XKR9: variants seen among roughly 807,000 people sequenced by gnomAD.
The protein encoded by XKR9 is XK related 9.
In XKR9, 32 loss-of-function variants were observed where a neutral mutation model predicts 32.0. The observed-to-expected ratio is 1.00, with a 90% CI of 0.76 to 1.34. The LOEUF (loss-of-function observed/expected upper bound fraction) is 1.34, where lower values mean the gene tolerates loss of function less well. XKR9 is among the 40% of genes most tolerant of loss of function. The pLI is 0.00. For missense variants in XKR9, 546 were observed against 429.7 expected, an observed-to-expected ratio of 1.27 and a Z score of -2.39; for synonymous variants, 168 against 143.4, an observed-to-expected ratio of 1.17 and a Z score of -1.22.
the XKR9 span, among the ~76,000 whole-genome samples, chr8:70,884,211 C>T: frequency 1.3e-3 from 194 of 152,020 alleles, no homozygotes; most frequent in Admixed American, 3.8e-3. Context: ...AGATCTTTGC[C>T]TAGTTTTAAA....
intron 3 of XKR9, among the ~76,000 whole-genome samples, chr8:70,703,234 AT>A (rs1422702079): frequency 5.0e-5 from 7 of 140,998 alleles, no homozygotes; most frequent in Non-Finnish European, 9.3e-5. Context: ...TGTTTTGTTC[AT>A]TTTTTTTTCT....
the XKR9 span, among the ~76,000 whole-genome samples, chr8:70,865,303 A>C: frequency 6.6e-6 from 1 of 151,880 alleles, no homozygotes; most frequent in East Asian, 1.9e-4. Flanking sequence ...AGGAAAAGTT[A>C]AATGCTTCCT....
chr8:70,776,947 C>CTCTCTCTCTCTCTATATATATATA lies in XKR9; in HGVS notation n.353-12391_353-12390insCTCTCTCTCTCTATATATATATAT. ...TTTCTCTCTCTCTCTCTCTCTCTCTCTATATATATATATATATGTATGTAT... is the reference window on the plus strand; with the variant it reads ...TTTCTCTCTCTCTCTCTCTCTCTCTCTCTCTCTCTCTCTATATATATATATATATATATATATATATGTATGTAT... On this transcript the variant is annotated intron_variant and non_coding_transcript_variant, in intron 2 of 3. Transcript: ENST00000520273. Among the ~76,000 whole-genome samples the CTCTCTCTCTCTCTATATATATATA allele has an allele frequency of 2.4e-3, 129 of 54,172 alleles. 1 individual carries two copies. Among genetic ancestry groups the CTCTCTCTCTCTCTATATATATATA allele is most frequent in the Admixed American group, 2.7e-3 (11 of 4,048 alleles). The allele number at this position is 54,172 out of a possible 152,430, so 35.5% of individuals were successfully genotyped here.
the XKR9 span, among the ~76,000 whole-genome samples, chr8:71,042,457 G>A: frequency 6.6e-6 from 1 of 152,086 alleles, no homozygotes; most frequent in East Asian, 1.9e-4. Flanking sequence ...TAAGCTCTCT[G>A]TGCCTCAGTT....
Position 70,676,134 on chromosome 8 carries a change from G to A in XKR9, c.-279+1235G>A, listed in dbSNP as rs373791305. ...CAGGAAGCTTACAATCATGGCAGAA[G>A]GTGAAGAGGAAGCACGTGTCTCACG... On this transcript the variant is annotated intron_variant, in intron 2 of 4. Transcript: ENST00000408926. Among the ~76,000 whole-genome samples the A allele has an allele frequency of 1.2e-3, 177 of 152,302 alleles. 4 individuals are homozygous for A. The South Asian group carries it at 0.035, about 30-fold the overall frequency.
At chr8:70,869,480 A>G in the XKR9 span, among the ~76,000 whole-genome samples, 1 of 152,174 alleles carries the variant, frequency 6.6e-6, no homozygotes, top group Non-Finnish European at 1.5e-5. Context: ...AGACTTATTC[A>G]CTATCAGGAG....
intron 4 of XKR9, among the ~76,000 whole-genome samples, chr8:70,722,989 T>C (rs1203887073): frequency 1.3e-5 from 2 of 152,038 alleles, no homozygotes; most frequent in Non-Finnish European, 2.9e-5. Context: ...GAGGCTTTGT[T>C]CATTCCTTTT....
chr8:70,942,419 C>A, the XKR9 span, among the ~76,000 whole-genome samples: 105 of 152,230 alleles, frequency 6.9e-4, 1 homozygote, highest in African/African-American at 2.4e-3. Context: ...ACATTAATCT[C>A]TTACTTACCT....
chr8:70,753,816 ATGGGCAAAAAC>A (rs1440602257), intron 2 of XKR9, among the ~76,000 whole-genome samples: 1 of 149,002 alleles, frequency 6.7e-6, no homozygotes, highest in African/African-American at 2.4e-5. Flanking sequence ...ATCATGCTGA[ATGGGCAAAAAC>A]TGGAAGCATT....
intron 2 of XKR9, among the ~76,000 whole-genome samples, chr8:70,746,409 A>G (rs1412118209): frequency 2.7e-5 from 4 of 147,850 alleles, no homozygotes; most frequent in Non-Finnish European, 6.0e-5. Flanking sequence ...CAAATAAAGT[A>G]AAATATATTG....
chr8:71,024,049 G>A, the XKR9 span, among the ~76,000 whole-genome samples: 1 of 152,208 alleles, frequency 6.6e-6, no homozygotes, highest in Non-Finnish European at 1.5e-5. Context: ...GAGGGGCAGG[G>A]CCAGGCCAGG....
intron 4 of XKR9, among the ~76,000 whole-genome samples, chr8:70,715,962 A>T (rs770403598): frequency 2.0e-5 from 3 of 152,114 alleles, no homozygotes; most frequent in Admixed American, 6.6e-5. Flanking sequence ...GCAAAAGTTT[A>T]ATCAAAACAT....
At chr8:70,761,906 T>G (rs1275600208) in intron 2 of XKR9, among the ~76,000 whole-genome samples, 5 of 152,162 alleles carry the variant, frequency 3.3e-5, no homozygotes, top group Non-Finnish European at 5.9e-5. Context: ...TTCAATTTTT[T>G]TTTGCATATG....
chr8:70,977,484 C>T, the XKR9 span, among the ~76,000 whole-genome samples: 6 of 152,112 alleles, frequency 3.9e-5, no homozygotes, highest in East Asian at 1.9e-4. Context: ...ATGTTTATTT[C>T]GTTATTTACC....
chr8:70,967,425 C>A, the XKR9 span, among the ~76,000 whole-genome samples: 1 of 151,930 alleles, frequency 6.6e-6, no homozygotes, highest in Non-Finnish European at 1.5e-5. Context: ...TGGCATTTAG[C>A]CTATTTATGT....
the XKR9 span, among the ~76,000 whole-genome samples, chr8:70,938,972 C>CT: frequency 2.5e-3 from 358 of 143,206 alleles, 2 homozygotes; most frequent in South Asian, 7.8e-3. Flanking sequence ...TAGAGGTGGG[C>CT]TTTTTTTTTT....
the XKR9 span, among the ~76,000 whole-genome samples, chr8:70,956,799 G>T: frequency 6.6e-6 from 1 of 152,226 alleles, no homozygotes; most frequent in East Asian, 1.9e-4. Flanking sequence ...CAGAGTGGGT[G>T]TCGGGAGTGG....
At chr8:70,835,849 A>T in the XKR9 span, among the ~76,000 whole-genome samples, 1 of 152,178 alleles carries the variant, frequency 6.6e-6, no homozygotes, top group East Asian at 1.9e-4. Flanking sequence ...ATTAGATGTA[A>T]TTTTAGAATA....
At chr8:71,026,623 A>T in the XKR9 span, among the ~76,000 whole-genome samples, 1 of 152,192 alleles carries the variant, frequency 6.6e-6, no homozygotes, top group East Asian at 1.9e-4. Flanking sequence ...GTACACAGCA[A>T]ATTAGCTTTC....
Sources: allele counts gnomAD v4.1 joint callset (sites outside exome capture counted in the v4.1 genomes callset), GRCh38; gene constraint gnomAD v4.1.1; transcripts MANE v1.5; gene names NCBI Gene and HGNC (gene_info 2026-07-23, HGNC 2026-07-21).